EPHA6: variants seen among roughly 807,000 people sequenced by gnomAD.
EPHA6 encodes the protein EPH receptor A6, also known as ephrin type-A receptor 6.
EPHA6 carries 50 observed loss-of-function variants against 112.0 expected under a neutral mutation model. The observed-to-expected ratio is 0.45, with a 90% confidence interval of 0.36 to 0.56. The LOEUF is 0.56. EPHA6 is among the 20% of genes least tolerant of loss of function. The pLI is 0.00. For missense variants in EPHA6, 1,280 were observed against 1,417.4 expected, an observed-to-expected ratio of 0.90 and a Z score of 1.56; for synonymous variants, 529 against 490.7, an observed-to-expected ratio of 1.08 and a Z score of -1.03.
At chr3:97,288,540 A>G (rs1699038934) in intron 5 of EPHA6, among the ~76,000 whole-genome samples, 1 of 152,216 alleles carries the variant, frequency 6.6e-6, no homozygotes, top group East Asian at 1.9e-4. Flanking sequence ...TGCTGCAATG[A>G]ACATGTGAGT....
intron 10 of EPHA6, among the ~76,000 whole-genome samples, chr3:97,493,420 C>T (rs1360806920): frequency 6.6e-6 from 1 of 152,136 alleles, no homozygotes; most frequent in African/African-American, 2.4e-5. Context: ...TTCTGGATCG[C>T]AGAGATCCAC....
chr3:97,348,332 T>A (rs537279463), intron 5 of EPHA6, among the ~76,000 whole-genome samples: 1 of 152,180 alleles, frequency 6.6e-6, no homozygotes, highest in South Asian at 2.1e-4. Flanking sequence ...TTAAAAATTA[T>A]TTTTTCTTGT....
At chr3:96,891,848 A>T (rs2037984069) in intron 2 of EPHA6, among the ~76,000 whole-genome samples, 1 of 152,170 alleles carries the variant, frequency 6.6e-6, no homozygotes, top group Non-Finnish European at 1.5e-5. Context: ...TCCCTGGGAG[A>T]AACTCCCTTT....
chr3:97,215,159 T>C (rs1437420212), intron 3 of EPHA6, among the ~76,000 whole-genome samples: 2 of 152,198 alleles, frequency 1.3e-5, no homozygotes, highest in Non-Finnish European at 2.9e-5. Context: ...CAGCATGATA[T>C]GCTAGCTAGG....
chr3:97,715,724 A>G (rs1035294943), intron 14 of EPHA6, among the ~76,000 whole-genome samples: 4 of 152,202 alleles, frequency 2.6e-5, no homozygotes, highest in Non-Finnish European at 4.4e-5. Context: ...AAATGCACCT[A>G]TAATACAACT....
intron 3 of EPHA6, among the ~76,000 whole-genome samples, chr3:97,018,919 T>C (rs1346741250): frequency 6.6e-6 from 1 of 152,186 alleles, no homozygotes; most frequent in East Asian, 1.9e-4. Context: ...ACGCTGGCGT[T>C]ACCGCTAGAG....
At chr3:97,580,295 A>T (rs2107279970) in intron 11 of EPHA6, among the ~76,000 whole-genome samples, 1 of 152,332 alleles carries the variant, frequency 6.6e-6, no homozygotes, top group Non-Finnish European at 1.5e-5. Context: ...CCCCTAGTGG[A>T]ACATTTTAGC....
intron 5 of EPHA6, among the ~76,000 whole-genome samples, chr3:97,337,525 C>G (rs540845006): frequency 2.0e-5 from 3 of 151,970 alleles, no homozygotes; most frequent in Non-Finnish European, 4.4e-5. Context: ...AGGATTTATC[C>G]AGGAGATATT....
intron 15 of EPHA6, 70 bp downstream of exon 15, chr3:97,720,480 C>A: frequency 7.2e-7 from 1 of 1,379,854 alleles, no homozygotes; most frequent in Admixed American, 2.3e-5. Flanking sequence ...GGAATTATGC[C>A]TTTTGTCCTC....
intron 14 of EPHA6, among the ~76,000 whole-genome samples, chr3:97,703,546 T>A (rs1471627069): frequency 6.6e-6 from 1 of 152,106 alleles, no homozygotes; most frequent in Non-Finnish European, 1.5e-5. Flanking sequence ...TTACACATCA[T>A]ATAAAGTTTT....
intron 5 of EPHA6, among the ~76,000 whole-genome samples, chr3:97,341,098 TC>T (rs2083281480): frequency 6.6e-6 from 1 of 152,200 alleles, no homozygotes; most frequent in Admixed American, 6.5e-5. Context: ...CCGAGTAGGT[TC>T]AGCTTCCTCT....
intron 3 of EPHA6, among the ~76,000 whole-genome samples, chr3:97,177,673 T>G (rs1056277454): frequency 2.0e-5 from 3 of 152,016 alleles, no homozygotes; most frequent in African/African-American, 7.2e-5. Flanking sequence ...GATATCTTTT[T>G]GCTTAATCGA....
chr3:97,608,640 G>A (rs865838217), intron 12 of EPHA6, among the ~76,000 whole-genome samples: 22 of 151,244 alleles, frequency 1.5e-4, no homozygotes, highest in Non-Finnish European at 2.2e-4. Flanking sequence ...GGAGTGGGGA[G>A]AGACGGTAAG....
intron 3 of EPHA6, among the ~76,000 whole-genome samples, chr3:97,116,289 A>G (rs150209198): frequency 1.3e-5 from 2 of 151,852 alleles, no homozygotes; most frequent in East Asian, 3.9e-4. Context: ...ATATTAGTAT[A>G]CATTTTAAAA....
At chr3:97,166,735 C>T (rs1285713455) in intron 3 of EPHA6, among the ~76,000 whole-genome samples, 1 of 152,114 alleles carries the variant, frequency 6.6e-6, no homozygotes, top group Non-Finnish European at 1.5e-5. Flanking sequence ...ATTATCATAA[C>T]AATGTTTTGT....
At position 97,093,998 on chromosome 3, in the gene EPHA6, A is replaced by T. The variant is rs535180282; in HGVS notation, c.1114+106005A>T. ...ACAGCGTGCATAGAGCAAAGGGGTT[A>T]CCTCTGGGATTGGCTAAGTCATGGC... On this transcript the variant is annotated intron_variant, in intron 3 of 17. Transcript: ENST00000389672. Among the ~76,000 whole-genome samples, 157 of 152,126 alleles carry T rather than the reference A, an allele frequency of 1.0e-3. 1 individual carries two copies. The highest frequency in any genetic ancestry group is 3.7e-3 in the African/African-American group (152 of 41,522).
intron 6 of EPHA6, among the ~76,000 whole-genome samples, chr3:97,422,523 G>T (rs1046462222): frequency 2.6e-5 from 4 of 152,104 alleles, no homozygotes; most frequent in Non-Finnish European, 5.9e-5. Context: ...GTATTAGACT[G>T]ATCATTGAAA....
At chr3:97,527,465 T>C (rs2107636499) in intron 10 of EPHA6, among the ~76,000 whole-genome samples, 1 of 152,216 alleles carries the variant, frequency 6.6e-6, no homozygotes, top group South Asian at 2.1e-4. Context: ...TATTCTGCCA[T>C]CTTATCTCAT....
At chr3:97,241,016 G>A (rs574308012) in intron 4 of EPHA6, among the ~76,000 whole-genome samples, 7 of 151,750 alleles carry the variant, frequency 4.6e-5, no homozygotes, top group South Asian at 4.2e-4. Flanking sequence ...CTGCTACTCC[G>A]AGAGGAAGAT....
Sources: allele counts gnomAD v4.1 joint callset (sites outside exome capture counted in the v4.1 genomes callset), GRCh38; gene constraint gnomAD v4.1.1; transcripts MANE v1.5; gene names NCBI Gene and HGNC (gene_info 2026-07-23, HGNC 2026-07-21).